RASAL2: variants seen among roughly 807,000 people sequenced by gnomAD.
RASAL2 encodes ras GTPase-activating protein nGAP.
In RASAL2, 58 loss-of-function variants were observed where a neutral mutation model predicts 128.9. That is an observed-to-expected ratio of 0.45 (90% CI 0.36 to 0.56). RASAL2 has a LOEUF of 0.56. Among genes scored for constraint, RASAL2 ranks in the 20% least tolerant of loss-of-function variants. The probability of loss-of-function intolerance (pLI) is 0.00; values close to 1 mark genes in which losing one functional copy is unlikely to be tolerated. For missense variants in RASAL2, 1,360 were observed against 1,601.6 expected, an observed-to-expected ratio of 0.85 and a Z score of 2.57; for synonymous variants, 561 against 580.8, an observed-to-expected ratio of 0.97 and a Z score of 0.49.
chr1:178,279,314 A>G (rs898787164), intron 1 of RASAL2, among the ~76,000 whole-genome samples: 1 of 152,146 alleles, frequency 6.6e-6, no homozygotes, highest in African/African-American at 2.4e-5. Context: ...ACAAACAACT[A>G]GAAAGTTACC....
intron 3 of RASAL2, among the ~76,000 whole-genome samples, chr1:178,336,587 G>A (rs1669596038): frequency 6.6e-6 from 1 of 151,780 alleles, no homozygotes; most frequent in African/African-American, 2.4e-5. Context: ...ATAATTATGT[G>A]TGTGTATGTA....
intron 1 of RASAL2, among the ~76,000 whole-genome samples, chr1:178,179,378 T>C (rs1429546506): frequency 6.6e-6 from 1 of 152,200 alleles, no homozygotes; most frequent in Non-Finnish European, 1.5e-5. Context: ...TGTATCAGTC[T>C]AATAATTCTA....
At chr1:178,257,727 A>G (rs958387774) in intron 1 of RASAL2, among the ~76,000 whole-genome samples, 2 of 151,796 alleles carry the variant, frequency 1.3e-5, no homozygotes, top group African/African-American at 4.8e-5. Flanking sequence ...TTGTAGTCCC[A>G]GGTACTCAGG....
chr1:178,389,817 G>A (rs1202802173), intron 3 of RASAL2, among the ~76,000 whole-genome samples: 1 of 152,198 alleles, frequency 6.6e-6, no homozygotes, highest in Non-Finnish European at 1.5e-5. Context: ...CAACTATTAA[G>A]TGAACTTAAA....
In RASAL2 at chr1:178,166,507, A is replaced by G. The variant is rs181720697; in HGVS notation, c.202+71813A>G. ...TTTAAAAATAAACTTATGTGAGTAAATGAAGCCAGTTGAAAAGTCAACCAG... is the reference window on the plus strand; with the variant it reads ...TTTAAAAATAAACTTATGTGAGTAAGTGAAGCCAGTTGAAAAGTCAACCAG... On this transcript the variant is annotated intron_variant, in intron 1 of 17. Transcript: ENST00000367649. 2.6e-3 allele frequency among the ~76,000 whole-genome samples: 401 copies of G among 152,334 alleles called. 1 individual carries two copies. The highest frequency in any genetic ancestry group is 4.4e-3 in the Non-Finnish European group (298 of 68,020).
intron 9 of RASAL2, among the ~76,000 whole-genome samples, chr1:178,449,045 T>C (rs1677202778): frequency 6.6e-6 from 1 of 152,206 alleles, no homozygotes; most frequent in African/African-American, 2.4e-5. Context: ...TATTGTCTTC[T>C]TCTCGTTAAA....
At chr1:178,313,904 A>T (rs181886856) in intron 3 of RASAL2, among the ~76,000 whole-genome samples, 1 of 152,326 alleles carries the variant, frequency 6.6e-6, no homozygotes, top group African/African-American at 2.4e-5. Flanking sequence ...TGGCGTTTTC[A>T]GGTTAAATTA....
At chr1:178,324,764 A>G (rs183635685) in intron 3 of RASAL2, among the ~76,000 whole-genome samples, 4 of 152,304 alleles carry the variant, frequency 2.6e-5, no homozygotes, top group East Asian at 1.9e-4. Flanking sequence ...AAGATTGGCT[A>G]TGCTGTTTAC....
At chr1:178,116,273 T>C (rs1659516795) in intron 1 of RASAL2, among the ~76,000 whole-genome samples, 1 of 152,230 alleles carries the variant, frequency 6.6e-6, no homozygotes, top group Non-Finnish European at 1.5e-5. Context: ...ATTTTCTTTA[T>C]TGTAGTAGAA....
chr1:178,096,038 T>C (rs1658668214), intron 1 of RASAL2, among the ~76,000 whole-genome samples: 1 of 152,094 alleles, frequency 6.6e-6, no homozygotes, highest in African/African-American at 2.4e-5. Flanking sequence ...AGCAAAGGAG[T>C]GGGAGACGAT....
chr1:178,111,033 G>A (rs1192326056), intron 1 of RASAL2, among the ~76,000 whole-genome samples: 2 of 152,082 alleles, frequency 1.3e-5, no homozygotes, highest in African/African-American at 2.4e-5. Flanking sequence ...AAGTGGAATT[G>A]TATGATATAT....
intron 1 of RASAL2, among the ~76,000 whole-genome samples, chr1:178,096,489 A>T (rs200144477): frequency 0.012 from 1,658 of 136,258 alleles, 17 homozygotes; most frequent in Non-Finnish European, 0.018. Flanking sequence ...TGTGTGTGTA[A>T]GAGAGAGAGA....
intron 3 of RASAL2, among the ~76,000 whole-genome samples, chr1:178,362,086 A>G (rs1434410633): frequency 6.6e-6 from 1 of 152,128 alleles, no homozygotes; most frequent in Non-Finnish European, 1.5e-5. Context: ...CCAGGCCATA[A>G]ACCAGTACTG....
chr1:178,249,670 G>A (rs1025540260), intron 1 of RASAL2, among the ~76,000 whole-genome samples: 2 of 152,102 alleles, frequency 1.3e-5, no homozygotes, highest in Non-Finnish European at 1.5e-5. Context: ...CCTCATTTTC[G>A]TGGATTTATC....
At chr1:178,451,777 A>G in intron 10 of RASAL2, 62 bp downstream of exon 10, 2 of 1,517,910 alleles carry the variant, frequency 1.3e-6, no homozygotes, top group South Asian at 1.3e-5. Flanking sequence ...AGTGGAACTT[A>G]CATTTTTTCA....
In RASAL2 at chr1:178,222,838, T is replaced by A. The variant is rs182998973; in HGVS notation, c.203-60726T>A. Among the ~76,000 whole-genome samples, 570 of 152,280 alleles carry A rather than the reference T, an allele frequency of 3.7e-3. 4 individuals carry two copies. The highest frequency in any genetic ancestry group is 0.031 in the Middle Eastern group (9 of 294). On this transcript the variant is annotated intron_variant, in intron 1 of 17. Coordinates refer to ENST00000367649, the MANE Select transcript of RASAL2 (RefSeq NM_170692.4). Reference sequence around the variant, plus strand: ...AAATTGGCATTTCTGGGAAGAAAATTGCTTTAACAATTTTAGTAGTATTTC... The same window carrying A: ...AAATTGGCATTTCTGGGAAGAAAATAGCTTTAACAATTTTAGTAGTATTTC...
chr1:178,268,625 A>G (rs2102162646), intron 1 of RASAL2, among the ~76,000 whole-genome samples: 1 of 152,034 alleles, frequency 6.6e-6, no homozygotes, highest in African/African-American at 2.4e-5. Flanking sequence ...TGTCTCTTAG[A>G]AAAAAAAGAG....
intron 6 of RASAL2, among the ~76,000 whole-genome samples, chr1:178,439,939 A>G (rs1300062291): frequency 6.6e-6 from 1 of 151,142 alleles, no homozygotes; most frequent in African/African-American, 2.5e-5. Context: ...TCAGTGGTTC[A>G]AGATCTGAGA....
intron 1 of RASAL2, among the ~76,000 whole-genome samples, chr1:178,102,047 A>C (rs931188993): frequency 2.6e-5 from 4 of 152,174 alleles, no homozygotes; most frequent in African/African-American, 9.6e-5. Context: ...ATTTTTCCTA[A>C]GCTTATTATG....
Sources: gnomAD v4.1 joint callset for allele counts (sites outside exome capture counted in the v4.1 genomes callset) on GRCh38, gnomAD v4.1.1 for gene constraint, MANE v1.5 for transcripts, NCBI Gene and HGNC (gene_info 2026-07-23, HGNC 2026-07-21) for gene names.